Variants in CAMK2G observed in about 807,000 individuals in gnomAD.
CAMK2G encodes calcium/calmodulin-dependent protein kinase type II subunit gamma.
Under a neutral mutation model 88.7 loss-of-function variants are expected in CAMK2G, and 23 were observed. That is an observed-to-expected ratio of 0.26 (90% CI 0.19 to 0.37). The LOEUF (loss-of-function observed/expected upper bound fraction) is 0.37, where lower values mean the gene tolerates loss of function less well. Among genes scored for constraint, CAMK2G ranks in the 10% least tolerant of loss-of-function variants. The pLI is 1.00. For synonymous variants in CAMK2G, 263 were observed against 294.8 expected (o/e 0.89, Z 1.11); for missense variants, 476 against 780.8 (o/e 0.61, Z 4.65).
chr10:73,844,521 C>T (rs1273710700), intron 10 of CAMK2G, among the ~76,000 whole-genome samples: 1 of 151,920 alleles, frequency 6.6e-6, no homozygotes, highest in Non-Finnish European at 1.5e-5. Flanking sequence ...GATTCTCATG[C>T]CTCAGCCTCC....
At chr10:73,867,264 C>T (rs901189926) in intron 2 of CAMK2G, among the ~76,000 whole-genome samples, 2 of 152,202 alleles carry the variant, frequency 1.3e-5, no homozygotes, top group Non-Finnish European at 2.9e-5. Context: ...TGCCCTATAG[C>T]GAAAAGGCCC....
chr10:73,848,212 C>A lies in CAMK2G; in HGVS notation c.602-130G>T. 1.5e-6 allele frequency: 1 copy of A among 676,886 alleles called. No individual in the cohort carries two copies. Among genetic ancestry groups the A allele is most frequent in the South Asian group, 1.6e-5 (1 of 60,714 alleles). 41.9% of individuals were successfully genotyped at this position (676,886 alleles called of 1,614,324 possible). On this transcript the variant is annotated intron_variant, in intron 8 of 22. Transcript: ENST00000423381. The surrounding 1 kb of genome is among the most constrained non-coding windows in gnomAD (Gnocchi z 4.5). ...ACCAGAGTCAGAAGTGGATGCCAGC[C>A]GATAATGCTATGCTACCAGCCCCTC...
chr10:73,822,388 G>A (rs571300995), intron 17 of CAMK2G, among the ~76,000 whole-genome samples: 1 of 152,204 alleles, frequency 6.6e-6, no homozygotes, highest in South Asian at 2.1e-4. Context: ...GGCTGGTCTC[G>A]AGCTCCTGAC....
Position 73,849,279 on chromosome 10 carries a change from G to A in CAMK2G, c.396C>T (p.Ile132=), listed in dbSNP as rs1291090817. ...GTAGTACCTTCAGGTCCCTGTGGAC[G>A]ATGTCATGCTGGTGGATGTGGTTAA... ...ESVNHIHQHD[I]VHRDLKPENL... Residue 132 remains isoleucine, a synonymous_variant, in exon 6 of 23, where the codon ATC becomes ATT. Transcript: ENST00000423381. The A allele has an allele frequency of 5.6e-6, 9 of 1,613,436 alleles. No individual in the cohort carries two copies. The highest frequency in any genetic ancestry group is 1.7e-5 in the Admixed American group (1 of 59,996).
intron 10 of CAMK2G, 123 bp downstream of exon 10, chr10:73,847,102 G>A (rs773440142): frequency 1.2e-4 from 120 of 1,001,464 alleles, no homozygotes; most frequent in Non-Finnish European, 1.6e-4. Context: ...TCCTCTGCCC[G>A]CCTGCTCAGT....
At chr10:73,845,756 C>G (rs1413005539) in intron 10 of CAMK2G, among the ~76,000 whole-genome samples, 3 of 152,028 alleles carry the variant, frequency 2.0e-5, no homozygotes, top group African/African-American at 7.2e-5. Flanking sequence ...TCTCAAATAT[C>G]TCTTGAATTT....
At chr10:73,869,550 C>A (rs910024358) in intron 2 of CAMK2G, among the ~76,000 whole-genome samples, 2 of 152,176 alleles carry the variant, frequency 1.3e-5, no homozygotes, top group Non-Finnish European at 2.9e-5. Context: ...TCCTAGGAGC[C>A]AAAGCCAAAA....
At chr10:73,858,150 A>C (rs1376562914) in intron 3 of CAMK2G, among the ~76,000 whole-genome samples, 1 of 152,178 alleles carries the variant, frequency 6.6e-6, no homozygotes. Context: ...TCTAGCTATT[A>C]AGGGGAAACT....
In CAMK2G at chr10:73,817,559, G is replaced by T. The variant is rs757073848; in HGVS notation, c.1364-5C>A. ...TAATGATCTCCTGTTTTCGCACTGT[G>T]GGGGAGAAAAATCCATCAATTTACC... On this transcript the variant is annotated splice_region_variant and splice_polypyrimidine_tract_variant and intron_variant, in intron 19 of 22. Coordinates refer to ENST00000423381, the MANE Select transcript of CAMK2G (RefSeq NM_001367534.1). 75 of 1,607,214 alleles carry T rather than the reference G, an allele frequency of 4.7e-5. No homozygotes were observed. The South Asian group carries it at 7.7e-4, about 16-fold the overall frequency.
chr10:73,864,272 A>G (rs988370391), intron 2 of CAMK2G, among the ~76,000 whole-genome samples: 2 of 152,050 alleles, frequency 1.3e-5, no homozygotes, highest in Non-Finnish European at 2.9e-5. Flanking sequence ...ACTACACTCC[A>G]GCTTGGGGTG....
intron 3 of CAMK2G, among the ~76,000 whole-genome samples, chr10:73,855,757 C>T (rs1340456940): frequency 1.3e-5 from 2 of 152,224 alleles, no homozygotes; most frequent in African/African-American, 4.8e-5. Flanking sequence ...GCAGAGAGAA[C>T]AGCTTTGATG....
chr10:73,865,478 C>T (rs2095552487), intron 2 of CAMK2G, among the ~76,000 whole-genome samples: 1 of 152,362 alleles, frequency 6.6e-6, no homozygotes, highest in Non-Finnish European at 1.5e-5. Context: ...ACCACCCAGC[C>T]TCTCCAGCTG....
Position 73,851,756 on chromosome 10 carries a change from G to GT in CAMK2G, c.341+497_341+498insA, listed in dbSNP as rs550593940. 5.8e-4 allele frequency among the ~76,000 whole-genome samples: 86 copies of GT among 148,746 alleles called. 4 individuals carry two copies. Among genetic ancestry groups the GT allele is most frequent in the African/African-American group, 2.0e-3 (81 of 40,656 alleles). On this transcript the variant is annotated intron_variant, in intron 5 of 22. Transcript: ENST00000423381. ...TTGGAAGTGATTTTTTTTGTGGGGGGGGGGAGGGGGACATAGTCTCGCTCT... is the reference window on the plus strand; with the variant it reads ...TTGGAAGTGATTTTTTTTGTGGGGGGTGGGGAGGGGGACATAGTCTCGCTCT...
intron 21 of CAMK2G, 115 bp from the exon 22 acceptor site, chr10:73,815,362 A>G: frequency 4.2e-6 from 3 of 706,466 alleles, no homozygotes; most frequent in Non-Finnish European, 7.2e-6. Flanking sequence ...CAGAATCTCC[A>G]AGTACCGCCC....
intron 18 of CAMK2G, among the ~76,000 whole-genome samples, chr10:73,820,852 T>C (rs1017724318): frequency 2.0e-5 from 3 of 151,894 alleles, no homozygotes; most frequent in African/African-American, 7.3e-5. Flanking sequence ...TTTTATATTT[T>C]TAGTAGAGAT....
At position 73,814,159 on chromosome 10, in the gene CAMK2G, G is replaced by C. The variant is rs1244924303; in HGVS notation, c.*359C>G. 1 of 151,992 alleles carries C rather than the reference G, an allele frequency of 6.6e-6. No homozygotes were observed. The highest frequency in any genetic ancestry group is 1.5e-5 in the Non-Finnish European group (1 of 68,024). The allele number at this position is 151,992 out of a possible 1,614,324, so 9.4% of individuals were successfully genotyped here. ...CAAGCTCACCTCTTCAAGGCCGGTG[G>C]GTGAGCCACTGCTCATGCCAGGATG... On this transcript the variant is annotated 3_prime_UTR_variant, in exon 23 of 23. Transcript: ENST00000423381.
At chr10:73,847,194 G>A (rs768370126) in intron 10 of CAMK2G, 31 bp downstream of exon 10, 2 of 1,612,088 alleles carry the variant, frequency 1.2e-6, no homozygotes, top group Admixed American at 1.7e-5. Context: ...TGACACCCCT[G>A]AGCTCCTTGG....
intron 22 of CAMK2G, chr10:73,814,798 G>T: frequency 1.7e-6 from 1 of 581,232 alleles, no homozygotes; most frequent in Non-Finnish European, 3.1e-6. Context: ...CCTGTCTGAG[G>T]TCATCCAATT....
chr10:73,849,245 G>A lies in CAMK2G; in HGVS notation c.414+16C>T. 1 of 1,609,228 alleles carries A rather than the reference G, an allele frequency of 6.2e-7. No individual in the cohort carries two copies. The highest frequency in any genetic ancestry group is 1.7e-4 in the Middle Eastern group (1 of 6,058). Reference sequence around the variant, plus strand: ...CACTTCATGAGCAGAGGCACGGAGGGGAGCCTGGGTAGTACCTTCAGGTCC... The same window carrying A: ...CACTTCATGAGCAGAGGCACGGAGGAGAGCCTGGGTAGTACCTTCAGGTCC... On this transcript the variant is annotated intron_variant, in intron 6 of 22. Transcript: ENST00000423381.
Sources: gnomAD v4.1 joint callset for allele counts (sites outside exome capture counted in the v4.1 genomes callset) on GRCh38, gnomAD v4.1.1 for gene constraint, Gnocchi (gnomAD v3.1) non-coding constraint, MANE v1.5 for transcripts, NCBI Gene and HGNC (gene_info 2026-07-23, HGNC 2026-07-21) for gene names.